GTF3C1: variants seen among roughly 807,000 people sequenced by gnomAD.
GTF3C1 encodes the protein general transcription factor 3C polypeptide 1.
In GTF3C1, 57 loss-of-function variants were observed where a neutral mutation model predicts 226.7. The ratio of observed to expected loss-of-function variants is 0.25; its 90% CI spans 0.20 to 0.31. The LOEUF is 0.31. GTF3C1 is among the 10% of genes least tolerant of loss of function. The probability of loss-of-function intolerance (pLI) is 1.00; values close to 1 mark genes in which losing one functional copy is unlikely to be tolerated. For missense variants in GTF3C1, 2,217 were observed against 2,776.1 expected, an observed-to-expected ratio of 0.80 and a Z score of 4.53; for synonymous variants, 1,090 against 1,084.8, an observed-to-expected ratio of 1.00 and a Z score of -0.09.
Position 27,494,882 on chromosome 16 carries a change from G to A in GTF3C1, c.2659C>T (p.Arg887Cys), listed in dbSNP as rs755819102. 12 of 1,613,030 alleles carry A rather than the reference G, an allele frequency of 7.4e-6. No individual in the cohort carries two copies. Among genetic ancestry groups the A allele is most frequent in the East Asian group, 2.2e-5 (1 of 44,880 alleles). Residue 887 changes from arginine (R) to cysteine (C), a missense_variant, in exon 16 of 37, where the codon CGC (arginine) becomes TGC (cysteine). Arg to Cys is a radical substitution (Grantham distance 180, BLOSUM62 -3). This residue lies in a region of GTF3C1 where 353 missense variants were observed against 411.7 expected (regional missense o/e 0.86). Coordinates refer to ENST00000356183, the MANE Select transcript of GTF3C1 (RefSeq NM_001520.4). ...TVYVDDASWM[R>C]YIPPIPVHRD... ...TGGACTGGGATTGGGGGGATGTAGC[G>A]CATCCACGAGGCATCGTCGACATAC...
At chr16:27,535,209 T>C (rs536135428) in intron 4 of GTF3C1, among the ~76,000 whole-genome samples, 2 of 152,180 alleles carry the variant, frequency 1.3e-5, no homozygotes, top group Non-Finnish European at 2.9e-5. Context: ...TGTACTACTG[T>C]TAATAACTTC....
chr16:27,473,138 G>A (rs2087901124), intron 29 of GTF3C1, among the ~76,000 whole-genome samples: 1 of 152,196 alleles, frequency 6.6e-6, no homozygotes, highest in Admixed American at 6.5e-5. Context: ...TCAAACTCCT[G>A]GCCTCATCCT....
Position 27,497,758 on chromosome 16 carries a change from C to T in GTF3C1, c.2229G>A (p.Glu743=), listed in dbSNP as rs1391727340. 4 of 1,614,086 alleles carry T rather than the reference C, an allele frequency of 2.5e-6. No individual in the cohort carries two copies. Among genetic ancestry groups the T allele is most frequent in the South Asian group, 1.1e-5 (1 of 91,080 alleles). The part of the protein sequence containing the change: ...GEAEEDSQGK[E]GPSGSGDSQL... ...GAGAGTCCCCTGATCCACTTGGGCC[C>T]TCTTTTCCTTGACTGTCTTCTTCTG... The change falls in exon 14 of 37, where the codon GAG becomes GAA. Residue 743 remains glutamate (E), a synonymous_variant. Transcript: ENST00000356183.
At chr16:27,467,699 A>G (rs562150725) in intron 32 of GTF3C1, among the ~76,000 whole-genome samples, 2 of 152,184 alleles carry the variant, frequency 1.3e-5, no homozygotes, top group Non-Finnish European at 2.9e-5. Context: ...GTAAAACACC[A>G]TCTCTACTAA....
rs150704837 is a variant in GTF3C1 at position 27,464,432 on chromosome 16, A to T, written c.5760T>A (p.Ala1920=). Residue 1920 remains alanine (A), a synonymous_variant, in exon 34 of 37, where the codon GCT becomes GCA. Coordinates refer to ENST00000356183, the MANE Select transcript of GTF3C1 (RefSeq NM_001520.4). ...GGTCTTCCTGTGCTGCTCCCGCTGC[A>T]GCGGTGTCTTCAAGAGCTGGGGGTG... is the stretch of plus-strand genomic sequence containing the variant. ...PSPPPALEDT[A]AAGAAQEDQE... is the part of the protein sequence containing the mutation. 1.8e-4 allele frequency: 293 copies of T among 1,603,690 alleles called. 1 individual carries two copies. In the African/African-American group the frequency reaches 3.5e-3, roughly 19 times the overall value.
At chr16:27,545,575 T>G (rs747503366) in intron 1 of GTF3C1, 52 bp from the exon 2 acceptor site, 1 of 1,018,204 alleles carries the variant, frequency 9.8e-7, no homozygotes, top group Admixed American at 1.8e-5. Context: ...AGATATAATG[T>G]GTGCTTGGCT....
chr16:27,485,090 T>G (rs1320586442), intron 24 of GTF3C1, among the ~76,000 whole-genome samples: 2 of 152,222 alleles, frequency 1.3e-5, no homozygotes, highest in Non-Finnish European at 2.9e-5. Context: ...ACCTTTCAGG[T>G]TCTTCCTTGG....
rs201098466 is a variant in GTF3C1, at chr16:27,528,747, C to G, written c.850-26G>C. On this transcript the variant is annotated intron_variant, in intron 5 of 36. Transcript: ENST00000356183. ...CTGCCAAAACACAATTTAAAGGCTACTATTAGACACAGCAAGATGTCTGAA... is the reference window on the plus strand; with the variant it reads ...CTGCCAAAACACAATTTAAAGGCTAGTATTAGACACAGCAAGATGTCTGAA... 22 of 1,607,894 alleles carry G rather than the reference C, an allele frequency of 1.4e-5. No individual in the cohort carries two copies. In the African/African-American group the frequency reaches 2.7e-4, roughly 20 times the overall value.
In GTF3C1 at chr16:27,469,388, G is replaced by C. The variant is rs780000540; in HGVS notation, c.4977C>G (p.Thr1659=). ...TGCTGTCGTTGGGGTTGAGGTTGCG[G>C]GTGCTGACGATGCCGGGGGAGTAGT... ...RGYYSPGIVS[T]RNLNPNDSIV... The change falls in exon 32 of 37, where the codon ACC becomes ACG. Residue 1659 remains threonine, a synonymous_variant. Transcript: ENST00000356183. The surrounding 1 kb of genome is among the most constrained non-coding windows in gnomAD (Gnocchi z 4.5). 9.3e-6 allele frequency: 15 copies of C among 1,613,056 alleles called. No homozygotes were observed. Among genetic ancestry groups the C allele is most frequent in the South Asian group, 2.2e-5 (2 of 90,856 alleles).
chr16:27,469,612 T>TTGAGGGAGGGGAGAGGCTG lies in GTF3C1; in HGVS notation c.4815-63_4815-62insCAGCCTCTCCCCTCCCTCA. 6.4e-7 allele frequency: 1 copy of TTGAGGGAGGGGAGAGGCTG among 1,551,188 alleles called. No individual in the cohort carries two copies. The highest frequency in any genetic ancestry group is 8.8e-7 in the Non-Finnish European group (1 of 1,139,018). ...GCCAGCCAGTTGCTACTGCAGCCTC[T>TTGAGGGAGGGGAGAGGCTG]CCCCTCCCTCAAGAGGCCTCTGTGG... is the stretch of plus-strand genomic sequence containing the variant. On this transcript the variant is annotated intron_variant, in intron 31 of 36. Coordinates refer to ENST00000356183, the MANE Select transcript of GTF3C1 (RefSeq NM_001520.4). The surrounding 1 kb of genome is among the most constrained non-coding windows in gnomAD (Gnocchi z 4.5).
intron 24 of GTF3C1, among the ~76,000 whole-genome samples, chr16:27,484,755 T>C (rs1452640737): frequency 6.6e-6 from 1 of 152,246 alleles, no homozygotes; most frequent in Non-Finnish European, 1.5e-5. Flanking sequence ...GTTGTGCTTG[T>C]ATGTTATGTT....
intron 4 of GTF3C1, among the ~76,000 whole-genome samples, chr16:27,533,985 G>A (rs1431215166): frequency 2.6e-5 from 4 of 152,166 alleles, no homozygotes; most frequent in Non-Finnish European, 5.9e-5. Flanking sequence ...CAGCTTGGGT[G>A]ACAGAGCGAG....
rs963917650 is a variant in GTF3C1 at position 27,470,569 on chromosome 16, G to T, written c.4527-174C>A. 3 of 609,376 alleles carry T rather than the reference G, an allele frequency of 4.9e-6. No homozygotes were observed. The highest frequency in any genetic ancestry group is 8.7e-6 in the Non-Finnish European group (3 of 345,330). 37.7% of individuals were successfully genotyped at this position (609,376 alleles called of 1,614,324 possible). A position where few individuals can be genotyped will look rare whatever the true frequency, so the allele number is the denominator to read the frequency against. The stretch of plus-strand genomic sequence containing the variant: ...GAAGGTGCTGCATTCCCACCTAGCG[G>T]TGTTTGTGTCTCTCTTCCCCGCTTG... On this transcript the variant is annotated intron_variant, in intron 30 of 36. Transcript: ENST00000356183. This position sits in a 1 kb window ranked among gnomAD's most constrained non-coding sequence, Gnocchi z 4.9.
chr16:27,519,154 T>C (rs1043519028), intron 6 of GTF3C1, among the ~76,000 whole-genome samples: 1 of 151,776 alleles, frequency 6.6e-6, no homozygotes, highest in African/African-American at 2.4e-5. Context: ...AAGAATTGTC[T>C]GATAAGGCAG....
chr16:27,501,702 T>C (rs1023756929), intron 11 of GTF3C1, among the ~76,000 whole-genome samples: 2 of 152,216 alleles, frequency 1.3e-5, no homozygotes, highest in African/African-American at 4.8e-5. Context: ...CTGCTCTGGT[T>C]TATCACTAGC....
chr16:27,474,135 A>G (rs765872240), intron 29 of GTF3C1, among the ~76,000 whole-genome samples: 3 of 152,166 alleles, frequency 2.0e-5, no homozygotes, highest in Admixed American at 1.3e-4. Context: ...GGGGTCCCCT[A>G]TGGGGCTCTG....
chr16:27,537,377 TA>T (rs1005479930), intron 4 of GTF3C1, among the ~76,000 whole-genome samples: 5 of 152,336 alleles, frequency 3.3e-5, no homozygotes, highest in African/African-American at 1.2e-4. Context: ...TGCCATTTTT[TA>T]AAAAAGCTAT....
At position 27,524,400 on chromosome 16, in the gene GTF3C1, G is replaced by A. The variant is rs79952896; in HGVS notation, c.973+4198C>T. Reference sequence around the variant, plus strand: ...GATTGGGCCTGTGTGTTATCAGCCTGTGGCCCTGCTCTATGTCTACTGTCA... The same window carrying A: ...GATTGGGCCTGTGTGTTATCAGCCTATGGCCCTGCTCTATGTCTACTGTCA... On this transcript the variant is annotated intron_variant, in intron 6 of 36. Transcript: ENST00000356183. Among the ~76,000 whole-genome samples the A allele has an allele frequency of 7.0e-3, 1,064 of 152,324 alleles. 16 individuals carry two copies. Among genetic ancestry groups the A allele is most frequent in the African/African-American group, 0.024 (1,010 of 41,572 alleles).
At chr16:27,481,335 T>C (rs892340249) in intron 26 of GTF3C1, 144 bp from the exon 27 acceptor site, 21 of 666,156 alleles carry the variant, frequency 3.2e-5, no homozygotes, top group Non-Finnish European at 5.1e-5. Context: ...CCTGGTCACC[T>C]GTCATCTGTC....
Sources: gnomAD v4.1 joint callset for allele counts (sites outside exome capture counted in the v4.1 genomes callset) on GRCh38, gnomAD v4.1.1 for gene constraint, gnomAD v4.1.1 regional missense constraint, Gnocchi (gnomAD v3.1) non-coding constraint, MANE v1.5 for transcripts, NCBI Gene and HGNC (gene_info 2026-07-23, HGNC 2026-07-21) for gene names.